The following TMEM123 variants were observed in gnomAD, a reference collection of about 807,000 sequenced individuals.
TMEM123 encodes transmembrane protein 123.
Under a neutral mutation model 19.7 loss-of-function variants are expected in TMEM123, and 16 were observed. The observed-to-expected ratio is 0.81, with a 90% CI of 0.55 to 1.23. The LOEUF is 1.23. TMEM123 is among the 50% of genes most tolerant of loss of function. TMEM123 has a pLI of 0.00. For synonymous variants in TMEM123, 118 were observed against 99.4 expected (o/e 1.19, Z -1.12); for missense variants, 313 against 257.8 (o/e 1.21, Z -1.47).
At chr11:102,413,432 G>C (rs1390138580) in intron 2 of TMEM123, among the ~76,000 whole-genome samples, 2 of 152,132 alleles carry the variant, frequency 1.3e-5, no homozygotes, top group African/African-American at 4.8e-5. Context: ...ACATACACAT[G>C]GACCCTGCTG....
intron 2 of TMEM123, among the ~76,000 whole-genome samples, chr11:102,432,277 TCC>T (rs34508687): frequency 0.041 from 6,283 of 152,280 alleles, 170 homozygotes; most frequent in Non-Finnish European, 0.066. Flanking sequence ...GTTTGGAACT[TCC>T]TAGAGACTTG....
At chr11:102,445,167 T>TA (rs968109860) in intron 2 of TMEM123, among the ~76,000 whole-genome samples, 1 of 151,796 alleles carries the variant, frequency 6.6e-6, no homozygotes, top group Non-Finnish European at 1.5e-5. Flanking sequence ...ACTCGAAGTA[T>TA]AAAAAAAAAT....
intron 2 of TMEM123, among the ~76,000 whole-genome samples, chr11:102,416,028 C>T (rs1197513457): frequency 6.6e-6 from 1 of 152,146 alleles, no homozygotes; most frequent in Admixed American, 6.5e-5. Flanking sequence ...GATTCTCCTG[C>T]CTCGGCCTCC....
At chr11:102,401,491 T>C (rs1355339232) in intron 4 of TMEM123, 48 bp downstream of exon 4, 1 of 1,490,586 alleles carries the variant, frequency 6.7e-7, no homozygotes, top group Non-Finnish European at 8.9e-7. Context: ...TAATTAAAGA[T>C]GTGCACCAAC....
At chr11:102,423,119 C>A (rs1190994307) in intron 2 of TMEM123, among the ~76,000 whole-genome samples, 1 of 152,160 alleles carries the variant, frequency 6.6e-6, no homozygotes, top group Non-Finnish European at 1.5e-5. Flanking sequence ...AAAATAACCA[C>A]AAATGGGGGC....
In TMEM123 at chr11:102,438,271, C is replaced by T. The variant is rs1344605633; in HGVS notation, c.157+10541G>A. Reference sequence around the variant, plus strand: ...TTTCACCATGTTGGCCAGGTGGTCTCGCATTCCTGACCTCAAGTGATCTGC... The same window carrying T: ...TTTCACCATGTTGGCCAGGTGGTCTTGCATTCCTGACCTCAAGTGATCTGC... On this transcript the variant is annotated intron_variant, in intron 2 of 4. Transcript: ENST00000398136. Among the ~76,000 whole-genome samples the T allele has an allele frequency of 5.9e-5, 9 of 152,018 alleles. 1 individual carries two copies. Among genetic ancestry groups the T allele is most frequent in the East Asian group, 3.9e-4 (2 of 5,190 alleles).
In TMEM123 at chr11:102,397,631, G is replaced by T. The variant is rs1344036034; in HGVS notation, c.*1236C>A. The T allele has an allele frequency of 6.6e-6, 1 of 152,138 alleles. No individual in the cohort carries two copies. The highest frequency in any genetic ancestry group is 2.4e-5 in the African/African-American group (1 of 41,438). 9.4% of individuals were successfully genotyped at this position (152,138 alleles called of 1,614,324 possible). A position where few individuals can be genotyped will look rare whatever the true frequency, so the allele number is the denominator to read the frequency against. On this transcript the variant is annotated 3_prime_UTR_variant, in exon 5 of 5. Coordinates refer to ENST00000398136, the MANE Select transcript of TMEM123 (RefSeq NM_052932.3). ...GGGATTTGAGGGAATATCCAAATCA[G>T]GAAGGAGGAAATGTCCTCTCTAAAA...
chr11:102,450,453 T>TG (rs1857926255), intron 1 of TMEM123, among the ~76,000 whole-genome samples: 1 of 152,254 alleles, frequency 6.6e-6, no homozygotes, highest in African/African-American at 2.4e-5. Context: ...TCCTGTTTGC[T>TG]GATTTGCAAA....
At chr11:102,428,830 G>A (rs1952150912) in intron 2 of TMEM123, among the ~76,000 whole-genome samples, 1 of 152,196 alleles carries the variant, frequency 6.6e-6, no homozygotes, top group African/African-American at 2.4e-5. Flanking sequence ...TGTTTCTGAA[G>A]AGAAAGGAGA....
intron 2 of TMEM123, among the ~76,000 whole-genome samples, chr11:102,426,859 TCCCCCC>T (rs57729827): frequency 2.4e-4 from 1 of 4,136 alleles, no homozygotes; most frequent in Non-Finnish European, 4.9e-4. Flanking sequence ...TTAAAGTAGT[TCCCCCC>T]CCCCCCCCAT....
chr11:102,431,481 T>C (rs544693307), intron 2 of TMEM123, among the ~76,000 whole-genome samples: 2 of 152,328 alleles, frequency 1.3e-5, no homozygotes, highest in South Asian at 2.1e-4. Context: ...GCAATAGAAC[T>C]AGAAAAAAGA....
Position 102,397,936 on chromosome 11 carries a change from T to A in TMEM123, c.*931A>T, listed in dbSNP as rs915215373. 8 of 152,172 alleles carry A rather than the reference T, an allele frequency of 5.3e-5. No individual in the cohort carries two copies. The East Asian group carries it at 1.5e-3, about 29-fold the overall frequency. 9.4% of individuals were successfully genotyped at this position (152,172 alleles called of 1,614,324 possible). ...AAAGTTAGGTGTGTTTACACTCAAT[T>A]AAAAATTTCTAGATATTGAAAGCAG... On this transcript the variant is annotated 3_prime_UTR_variant, in exon 5 of 5. Transcript: ENST00000398136.
rs576057804 is a variant in TMEM123 at position 102,411,313 on chromosome 11, G to A, written c.158-9107C>T. 3.9e-5 allele frequency among the ~76,000 whole-genome samples: 6 copies of A among 152,284 alleles called. No homozygotes were observed. In the South Asian group the frequency reaches 8.3e-4, roughly 21 times the overall value. The stretch of plus-strand genomic sequence containing the variant: ...GTGCTGAGACGGCGGTGTTCCCAGA[G>A]AGCGTATCGAAGCTCTGCGCACCAT... On this transcript the variant is annotated intron_variant, in intron 2 of 4. Transcript: ENST00000398136.
At chr11:102,444,989 G>A (rs1338172180) in intron 2 of TMEM123, among the ~76,000 whole-genome samples, 1 of 151,492 alleles carries the variant, frequency 6.6e-6, no homozygotes, top group East Asian at 2.0e-4. Context: ...TGGACACAGG[G>A]CAGGGAACAT....
chr11:102,448,689 A>C (rs894165840), intron 2 of TMEM123, 123 bp downstream of exon 2: 3 of 841,836 alleles, frequency 3.6e-6, no homozygotes, highest in Non-Finnish European at 3.9e-6. Flanking sequence ...ATTGGGATTC[A>C]TGGGTGAAGA....
In TMEM123 at chr11:102,397,628, TCAGGAAGGA is replaced by T. The variant is rs1951868696; in HGVS notation, c.*1230_*1238del. 6.6e-6 allele frequency: 1 copy of T among 152,184 alleles called. No homozygotes were observed. Among genetic ancestry groups the T allele is most frequent in the African/African-American group, 2.4e-5 (1 of 41,458 alleles). 9.4% of individuals were successfully genotyped at this position (152,184 alleles called of 1,614,324 possible). A position where few individuals can be genotyped will look rare whatever the true frequency, so the allele number is the denominator to read the frequency against. ...GGAGGGATTTGAGGGAATATCCAAA[TCAGGAAGGA>T]GGAAATGTCCTCTCTAAAAATTCCT... On this transcript the variant is annotated 3_prime_UTR_variant, in exon 5 of 5. Transcript: ENST00000398136.
At chr11:102,414,931 C>G (rs183080240) in intron 2 of TMEM123, among the ~76,000 whole-genome samples, 16 of 152,176 alleles carry the variant, frequency 1.1e-4, no homozygotes, top group Non-Finnish European at 1.5e-4. Flanking sequence ...AAAACCTAAT[C>G]GTAAGCTAGC....
intron 2 of TMEM123, among the ~76,000 whole-genome samples, chr11:102,407,365 T>C (rs571292944): frequency 4.6e-5 from 7 of 152,308 alleles, no homozygotes; most frequent in Admixed American, 4.6e-4. Flanking sequence ...ACATTCTATC[T>C]ATAACACCTC....
intron 2 of TMEM123, among the ~76,000 whole-genome samples, chr11:102,417,265 GGCTCCTA>G (rs1952050215): frequency 6.6e-6 from 1 of 152,076 alleles, no homozygotes; most frequent in Non-Finnish European, 1.5e-5. Flanking sequence ...TCTGCCCAAG[GGCTCCTA>G]GATCTGATTA....
Sources: allele counts gnomAD v4.1 joint callset (sites outside exome capture counted in the v4.1 genomes callset), GRCh38; gene constraint gnomAD v4.1.1; transcripts MANE v1.5; gene names NCBI Gene and HGNC (gene_info 2026-07-23, HGNC 2026-07-21).